Variants in TAF2 observed in about 807,000 individuals in gnomAD.
TAF2 encodes the protein TATA-box binding protein associated factor 2.
A neutral mutation model predicts 138.5 loss-of-function variants in TAF2; 61 were observed. That is an observed-to-expected ratio of 0.44 (90% CI 0.36 to 0.54). The LOEUF is 0.54. Among genes scored for constraint, TAF2 ranks in the 20% least tolerant of loss-of-function variants. The pLI is 0.00. For synonymous variants in TAF2, 475 were observed against 469.9 expected (o/e 1.01, Z -0.14); for missense variants, 1,090 against 1,427.9 (o/e 0.76, Z 3.81).
intron 8 of TAF2, 70 bp downstream of exon 8, chr8:119,796,920 A>C: frequency 1.8e-6 from 2 of 1,119,612 alleles, no homozygotes; most frequent in Admixed American, 1.7e-5. Flanking sequence ...AGGTCAGCTT[A>C]AATGCAGAGA....
At chr8:119,785,386 A>C (rs1307609807) in intron 14 of TAF2, 120 bp from the exon 15 acceptor site, 6 of 684,776 alleles carry the variant, frequency 8.8e-6, no homozygotes, top group Non-Finnish European at 7.6e-6. Flanking sequence ...CCTTAGGAAA[A>C]ATGGCTATCA....
intron 22 of TAF2, among the ~76,000 whole-genome samples, chr8:119,748,640 T>A (rs1820140910): frequency 6.6e-6 from 1 of 152,128 alleles, no homozygotes; most frequent in South Asian, 2.1e-4. Flanking sequence ...GGAATATGCA[T>A]ATGTGGACAC....
chr8:119,822,454 C>T (rs533613453), intron 2 of TAF2, among the ~76,000 whole-genome samples: 1 of 152,084 alleles, frequency 6.6e-6, no homozygotes, highest in East Asian at 1.9e-4. Flanking sequence ...GAACTTCTGG[C>T]CTCAAGTGAC....
intron 2 of TAF2, among the ~76,000 whole-genome samples, chr8:119,823,166 C>G (rs1001785787): frequency 1.3e-5 from 2 of 152,158 alleles, no homozygotes; most frequent in African/African-American, 4.8e-5. Flanking sequence ...CTATGCTATC[C>G]TCAAATGAAT....
At chr8:119,747,884 G>A (rs566339166) in intron 22 of TAF2, among the ~76,000 whole-genome samples, 39 of 152,156 alleles carry the variant, frequency 2.6e-4, no homozygotes, top group Admixed American at 3.9e-4. Context: ...AGCACTCTGG[G>A]AGGCCGGGGT....
intron 9 of TAF2, among the ~76,000 whole-genome samples, chr8:119,793,903 G>GA (rs142258214): frequency 0.024 from 2,227 of 93,704 alleles, 32 homozygotes; most frequent in Middle Eastern, 0.033. Context: ...TTTTTAAACA[G>GA]AAAAAAAAAG....
rs1045303293 is a variant in TAF2 at position 119,739,718 on chromosome 8, C to CA, written c.3337+2815dup. On this transcript the variant is annotated intron_variant, in intron 25 of 25. Transcript: ENST00000378164. Reference sequence around the variant, plus strand: ...AAATAAAAAGCAGAGGCCAGAAACTCAAAAGCCTTGTCCTGAGGAACAGCA... The same window carrying CA: ...AAATAAAAAGCAGAGGCCAGAAACTCAAAAAGCCTTGTCCTGAGGAACAGCA... 8.8e-4 allele frequency among the ~76,000 whole-genome samples: 132 copies of CA among 150,774 alleles called. 1 individual carries two copies. Among genetic ancestry groups the CA allele is most frequent in the African/African-American group, 3.0e-3 (123 of 40,978 alleles).
At chr8:119,806,952 G>A (rs539345695) in intron 3 of TAF2, among the ~76,000 whole-genome samples, 1 of 152,172 alleles carries the variant, frequency 6.6e-6, no homozygotes, top group East Asian at 1.9e-4. Flanking sequence ...CTATTATTAT[G>A]ACTATCACAT....
intron 3 of TAF2, among the ~76,000 whole-genome samples, chr8:119,807,015 A>G (rs1824707328): frequency 1.3e-5 from 2 of 152,234 alleles, no homozygotes; most frequent in South Asian, 4.1e-4. Context: ...ATACAAATGT[A>G]AAGAATACGT....
At chr8:119,820,141 T>C (rs1397006664) in intron 2 of TAF2, among the ~76,000 whole-genome samples, 1 of 152,114 alleles carries the variant, frequency 6.6e-6, no homozygotes, top group African/African-American at 2.4e-5. Flanking sequence ...ATCCAACACA[T>C]GAAAAACAGT....
At chr8:119,742,940 G>A (rs576093608) in intron 24 of TAF2, among the ~76,000 whole-genome samples, 3 of 151,838 alleles carry the variant, frequency 2.0e-5, no homozygotes, top group East Asian at 3.9e-4. Flanking sequence ...ATGGTGGTGC[G>A]CGCCTGTAGT....
At chr8:119,777,047 CTAAACAG>C (rs1458467619) in intron 18 of TAF2, among the ~76,000 whole-genome samples, 1 of 151,950 alleles carries the variant, frequency 6.6e-6, no homozygotes, top group African/African-American at 2.4e-5. Flanking sequence ...GTCATTCTTT[CTAAACAG>C]TATAGTATTA....
intron 23 of TAF2, 45 bp downstream of exon 23, chr8:119,746,660 T>C: frequency 6.3e-7 from 1 of 1,577,936 alleles, no homozygotes; most frequent in Non-Finnish European, 8.7e-7. Context: ...CTCTAGATCC[T>C]CTATATAATG....
At chr8:119,758,351 AG>A (rs1820839639) in intron 20 of TAF2, among the ~76,000 whole-genome samples, 1 of 152,182 alleles carries the variant, frequency 6.6e-6, no homozygotes, top group Admixed American at 6.5e-5. Flanking sequence ...ATTAGAGCCA[AG>A]ACATAAAGTT....
At chr8:119,794,409 A>AAT (rs1823674595) in intron 9 of TAF2, among the ~76,000 whole-genome samples, 1 of 151,694 alleles carries the variant, frequency 6.6e-6, no homozygotes. Flanking sequence ...AAAAAAAAAA[A>AAT]GCATAAGTTA....
intron 19 of TAF2, 78 bp from the exon 20 acceptor site, chr8:119,760,816 C>A: frequency 6.3e-7 from 1 of 1,582,542 alleles, no homozygotes; most frequent in South Asian, 1.1e-5. Flanking sequence ...ATTAGAGAAT[C>A]CTTTGTGGCA....
intron 19 of TAF2, 146 bp from the exon 20 acceptor site, chr8:119,760,884 A>T (rs10096846): frequency 0.41 from 412,782 of 1,018,950 alleles, 87,714 homozygotes; most frequent in African/African-American, 0.58. Context: ...TAGAGTCACA[A>T]GCCATATAAA....
At chr8:119,794,347 G>C (rs1823667255) in intron 9 of TAF2, among the ~76,000 whole-genome samples, 1 of 150,230 alleles carries the variant, frequency 6.7e-6, no homozygotes, top group African/African-American at 2.5e-5. Context: ...AGTGAGCCGA[G>C]ATTGCGCCAC....
intron 24 of TAF2, 151 bp from the exon 25 acceptor site, chr8:119,742,807 TG>T: frequency 8.8e-7 from 1 of 1,140,594 alleles, no homozygotes; most frequent in Non-Finnish European, 1.2e-6. Context: ...ACTAGCTGGG[TG>T]GAGTGGCTCA....
Sources: gnomAD v4.1 joint callset for allele counts (sites outside exome capture counted in the v4.1 genomes callset) on GRCh38, gnomAD v4.1.1 for gene constraint, MANE v1.5 for transcripts, NCBI Gene and HGNC (gene_info 2026-07-23, HGNC 2026-07-21) for gene names.